The following GNS variants were observed in gnomAD, a reference collection of about 807,000 sequenced individuals.
GNS encodes the protein glucosamine (N-acetyl)-6-sulfatase, also known as N-acetylglucosamine-6-sulfatase.
A neutral mutation model predicts 69.7 loss-of-function variants in GNS; 40 were observed. The ratio of observed to expected loss-of-function variants is 0.57; its 90% CI spans 0.45 to 0.75. The LOEUF is 0.75. Among genes scored for constraint, GNS ranks in the 30% least tolerant of loss-of-function variants. The pLI, the probability that GNS is intolerant of heterozygous loss-of-function variation, is 0.00. For synonymous variants in GNS, 243 were observed against 251.6 expected (o/e 0.97, Z 0.32); for missense variants, 565 against 685.5 (o/e 0.82, Z 1.96).
chr12:64,754,903 AAG>A (rs1173697923), intron 1 of GNS, among the ~76,000 whole-genome samples: 22 of 140,004 alleles, frequency 1.6e-4, no homozygotes, highest in African/African-American at 5.9e-4. Context: ...AAAAAAAAAA[AAG>A]AAGTTTTTAT....
At chr12:64,729,778 G>T (rs1427678317) in intron 9 of GNS, among the ~76,000 whole-genome samples, 2 of 152,056 alleles carry the variant, frequency 1.3e-5, no homozygotes, top group Admixed American at 1.3e-4. Context: ...GAAATATAAA[G>T]GGGACCCCAT....
intron 3 of GNS, 21 bp downstream of exon 3, chr12:64,747,691 G>GA: frequency 7.8e-7 from 1 of 1,290,122 alleles, no homozygotes; most frequent in Non-Finnish European, 1.1e-6. Context: ...TATAAAAAAA[G>GA]AAACAGATCA....
chr12:64,729,223 T>C (rs995706518), intron 9 of GNS, 166 bp from the exon 10 acceptor site: 7 of 638,362 alleles, frequency 1.1e-5, no homozygotes, highest in Admixed American at 5.0e-5. Context: ...ATAACTATAA[T>C]AACTTCAAAC....
chr12:64,730,223 G>A (rs1592496828), intron 9 of GNS, among the ~76,000 whole-genome samples: 1 of 152,046 alleles, frequency 6.6e-6, no homozygotes, highest in Admixed American at 6.6e-5. Flanking sequence ...GTTTATAGGT[G>A]AAGAAATGAA....
At position 64,732,165 on chromosome 12, in the gene GNS, T is replaced by TTTTTTA. The variant is rs1869417962; in HGVS notation, c.1099-3109_1099-3108insTAAAAA. The stretch of plus-strand genomic sequence containing the variant: ...CCACACCTGGCTAATTTTTTTTTTT[T>TTTTTTA]GTTGTTTTTTTTTTTTTTTTGAGAC... On this transcript the variant is annotated intron_variant, in intron 9 of 13. Transcript: ENST00000258145. 3.3e-5 allele frequency among the ~76,000 whole-genome samples: 2 copies of TTTTTTA among 60,216 alleles called. 1 individual carries two copies. The highest frequency in any genetic ancestry group is 6.2e-5 in the Non-Finnish European group (2 of 32,490). The allele number at this position is 60,216 out of a possible 152,430, so 39.5% of individuals were successfully genotyped here.
intron 2 of GNS, 143 bp downstream of exon 2, chr12:64,752,555 C>A (rs1870112056): frequency 4.8e-6 from 3 of 625,890 alleles, no homozygotes; most frequent in Non-Finnish European, 8.6e-6. Flanking sequence ...AATTAAAATT[C>A]ACATTAAATA....
At chr12:64,739,121 C>T (rs1333287424) in intron 8 of GNS, among the ~76,000 whole-genome samples, 3 of 152,138 alleles carry the variant, frequency 2.0e-5, no homozygotes, top group African/African-American at 7.2e-5. Flanking sequence ...ATACGGCCTG[C>T]CTCCAACCCA....
chr12:64,754,557 G>A (rs923750810), intron 1 of GNS, among the ~76,000 whole-genome samples: 1 of 152,034 alleles, frequency 6.6e-6, no homozygotes, highest in African/African-American at 2.4e-5. Flanking sequence ...TGAGGTCAGA[G>A]AGGCAGGCAG....
intron 2 of GNS, among the ~76,000 whole-genome samples, chr12:64,749,248 CTTTT>C (rs759239939): frequency 7.7e-5 from 5 of 65,048 alleles, no homozygotes; most frequent in East Asian, 4.1e-4. Flanking sequence ...CTTGATTTGG[CTTTT>C]TTTTTTTTTT....
intron 1 of GNS, chr12:64,756,722 AG>A: frequency 6.7e-7 from 1 of 1,492,682 alleles, no homozygotes; most frequent in Non-Finnish European, 9.0e-7. Context: ...TTCCCCTTGG[AG>A]TCCTGTTTGA....
chr12:64,753,787 C>G (rs1592510183), intron 1 of GNS, among the ~76,000 whole-genome samples: 1 of 152,138 alleles, frequency 6.6e-6, no homozygotes, highest in East Asian at 1.9e-4. Context: ...AAAAAAAGCT[C>G]TGATAATTTC....
chr12:64,716,514 TAAAGG>T lies in GNS; in HGVS notation c.*222_*226del, dbSNP rs1868862541. 1.7e-6 allele frequency: 1 copy of T among 587,982 alleles called. No individual in the cohort carries two copies. The highest frequency in any genetic ancestry group is 1.9e-5 in the African/African-American group (1 of 53,850). The allele number at this position is 587,982 out of a possible 1,614,324, so 36.4% of individuals were successfully genotyped here. On this transcript the variant is annotated 3_prime_UTR_variant, in exon 14 of 14. Transcript: ENST00000258145. ...AGACCTCAGGAGTGTCCTTGTCAGC[TAAAGG>T]AAGAGACCAGAGACAGCCACTCCTG...
At chr12:64,730,869 T>A (rs1869369179) in intron 9 of GNS, among the ~76,000 whole-genome samples, 1 of 152,092 alleles carries the variant, frequency 6.6e-6, no homozygotes, top group Non-Finnish European at 1.5e-5. Context: ...GACTAACAGA[T>A]CTTCAGTGAT....
intron 10 of GNS, among the ~76,000 whole-genome samples, chr12:64,727,328 G>A (rs1435097545): frequency 7.0e-6 from 1 of 143,480 alleles, no homozygotes; most frequent in Non-Finnish European, 1.5e-5. Flanking sequence ...CCTAGCTACT[G>A]GGGAGGCTGA....
chr12:64,713,780 T>TA lies in GNS; in HGVS notation c.*2960dup, dbSNP rs1208362515. 1 of 152,178 alleles carries TA rather than the reference T, an allele frequency of 6.6e-6. No individual in the cohort carries two copies. Among genetic ancestry groups the TA allele is most frequent in the Non-Finnish European group, 1.5e-5 (1 of 68,030 alleles). 9.4% of individuals were successfully genotyped at this position (152,178 alleles called of 1,614,324 possible). On this transcript the variant is annotated 3_prime_UTR_variant, in exon 14 of 14. Transcript: ENST00000258145. The stretch of plus-strand genomic sequence containing the variant: ...TAAGAACACTTCTCACAGAATAAGG[T>TA]AAAACTTCCATGGCTATCATTACTA...
intron 2 of GNS, 75 bp from the exon 3 acceptor site, chr12:64,747,993 A>C: frequency 2.4e-6 from 2 of 835,242 alleles, no homozygotes; most frequent in Non-Finnish European, 4.2e-6. Flanking sequence ...AAAGAGAGTA[A>C]AGAAAAGCTC....
In GNS at chr12:64,716,729, T is replaced by A; in HGVS notation, c.*12A>T. 2 of 1,550,102 alleles carry A rather than the reference T, an allele frequency of 1.3e-6. No individual in the cohort carries two copies. The highest frequency in any genetic ancestry group is 1.8e-6 in the Non-Finnish European group (2 of 1,121,708). On this transcript the variant is annotated 3_prime_UTR_variant, in exon 14 of 14. Coordinates refer to ENST00000258145, the MANE Select transcript of GNS (RefSeq NM_002076.4). Reference sequence around the variant, plus strand: ...CGTGCAGGGATCCATCTGCAGAGGCTGTGTGAGGTCGCTACAGAAGATGTT... The same window carrying A: ...CGTGCAGGGATCCATCTGCAGAGGCAGTGTGAGGTCGCTACAGAAGATGTT...
chr12:64,725,095 C>A (rs1219234504), intron 10 of GNS, among the ~76,000 whole-genome samples: 1 of 152,156 alleles, frequency 6.6e-6, no homozygotes, highest in Non-Finnish European at 1.5e-5. Flanking sequence ...CTATCTCATG[C>A]CAATTAAATC....
chr12:64,751,395 T>C (rs1592508889), intron 2 of GNS, among the ~76,000 whole-genome samples: 1 of 152,316 alleles, frequency 6.6e-6, no homozygotes. Context: ...ATTTTTCCAA[T>C]ATTTTTACCT....
Sources: gnomAD v4.1 joint callset for allele counts (sites outside exome capture counted in the v4.1 genomes callset) on GRCh38, gnomAD v4.1.1 for gene constraint, MANE v1.5 for transcripts, NCBI Gene and HGNC (gene_info 2026-07-23, HGNC 2026-07-21) for gene names.